Variants in GABRG3 observed in about 807,000 individuals in gnomAD.
GABRG3 encodes gamma-aminobutyric acid type A receptor subunit gamma3.
Under a neutral mutation model 48.8 loss-of-function variants are expected in GABRG3, and 25 were observed. That is an observed-to-expected ratio of 0.51 (90% CI 0.37 to 0.72). The LOEUF is 0.72. GABRG3 is among the 30% of genes least tolerant of loss of function. GABRG3 has a pLI of 0.00. For missense variants in GABRG3, 394 were observed against 577.9 expected, an observed-to-expected ratio of 0.68 and a Z score of 3.26; for synonymous variants, 227 against 217.6, an observed-to-expected ratio of 1.04 and a Z score of -0.38.
At position 27,393,094 on chromosome 15, in the gene GABRG3, C is replaced by A. The variant is rs143998723; in HGVS notation, c.574+64206C>A. Among the ~76,000 whole-genome samples, 183 of 152,168 alleles carry A rather than the reference C, an allele frequency of 1.2e-3. 1 individual carries two copies. The highest frequency in any genetic ancestry group is 4.3e-3 in the African/African-American group (178 of 41,516). ...GGCGCAGTGGCTCATGCCTGTAATC[C>A]GAGCACTTTGGGAGGCCAAGGCGGG... On this transcript the variant is annotated intron_variant, in intron 5 of 9. Coordinates refer to ENST00000615808, the MANE Select transcript of GABRG3 (RefSeq NM_033223.5).
intron 5 of GABRG3, among the ~76,000 whole-genome samples, chr15:27,400,757 A>C (rs561259756): frequency 6.6e-6 from 1 of 152,336 alleles, no homozygotes; most frequent in East Asian, 1.9e-4. Context: ...ACTGGCTCAA[A>C]GAGAACTTCC....
At chr15:27,268,981 G>A (rs1891001793) in intron 3 of GABRG3, among the ~76,000 whole-genome samples, 1 of 152,144 alleles carries the variant, frequency 6.6e-6, no homozygotes, top group African/African-American at 2.4e-5. Context: ...GTTGCCCAGG[G>A]TCTGTCTTGC....
At chr15:27,412,970 C>A (rs562581903) in intron 5 of GABRG3, among the ~76,000 whole-genome samples, 1 of 152,104 alleles carries the variant, frequency 6.6e-6, no homozygotes, top group East Asian at 1.9e-4. Context: ...TCTTTGCTTC[C>A]TGTTTATTGC....
chr15:27,332,412 G>T (rs1566790177), intron 5 of GABRG3, among the ~76,000 whole-genome samples: 1 of 152,028 alleles, frequency 6.6e-6, no homozygotes, highest in Non-Finnish European at 1.5e-5. Context: ...TGAGGCAGAA[G>T]AATCCCAGCT....
intron 2 of GABRG3, among the ~76,000 whole-genome samples, chr15:27,013,923 T>C (rs1182497898): frequency 2.0e-5 from 3 of 152,152 alleles, no homozygotes; most frequent in African/African-American, 7.2e-5. Context: ...ATTGGAATTA[T>C]ATAGAATCTG....
intron 6 of GABRG3, among the ~76,000 whole-genome samples, chr15:27,491,961 A>G (rs4435210): frequency 3.9e-5 from 6 of 152,128 alleles, no homozygotes; most frequent in Admixed American, 3.9e-4. Flanking sequence ...GTCATATCCC[A>G]TATGACTTGT....
At chr15:27,310,038 T>C (rs1892942136) in intron 3 of GABRG3, among the ~76,000 whole-genome samples, 1 of 152,124 alleles carries the variant, frequency 6.6e-6, no homozygotes, top group Non-Finnish European at 1.5e-5. Flanking sequence ...AGAGGCATTA[T>C]GCTAGGGAAT....
chr15:27,478,049 A>AC (rs1889999649), intron 5 of GABRG3, among the ~76,000 whole-genome samples: 1 of 120,438 alleles, frequency 8.3e-6, no homozygotes, highest in Non-Finnish European at 1.7e-5. Context: ...TCCATGTCAC[A>AC]AAAAAAAAAA....
chr15:27,486,354 T>TCGCATGGCTATGGCAAAAGC (rs1890219565), intron 6 of GABRG3, among the ~76,000 whole-genome samples: 1 of 152,202 alleles, frequency 6.6e-6, no homozygotes, highest in Admixed American at 6.5e-5. Context: ...AAGGCTGCTC[T>TCGCATGGCTATGGCAAAAGC]CGCATGGCTA....
Position 27,471,015 on chromosome 15 carries a change from G to A in GABRG3, c.575-9635G>A, listed in dbSNP as rs1334638103. Reference sequence around the variant, plus strand: ...CAGATAGAGGTGATTTATCAAGACAGAGGAACTGCATTAGAGAAAGAGTTT... The same window carrying A: ...CAGATAGAGGTGATTTATCAAGACAAAGGAACTGCATTAGAGAAAGAGTTT... On this transcript the variant is annotated intron_variant, in intron 5 of 9. Transcript: ENST00000615808. 2.6e-5 allele frequency among the ~76,000 whole-genome samples: 4 copies of A among 152,208 alleles called. No homozygotes were observed. In the East Asian group the frequency reaches 7.7e-4, roughly 29 times the overall value.
chr15:27,148,319 C>A (rs939988423), intron 3 of GABRG3, among the ~76,000 whole-genome samples: 2 of 151,756 alleles, frequency 1.3e-5, no homozygotes, highest in Admixed American at 6.6e-5. Flanking sequence ...ATCTAAAAAG[C>A]CTCATAACAT....
chr15:27,111,754 T>C (rs1238590229), intron 3 of GABRG3, among the ~76,000 whole-genome samples: 1 of 152,156 alleles, frequency 6.6e-6, no homozygotes, highest in Non-Finnish European at 1.5e-5. Context: ...TCTGTACTTT[T>C]CTGCTTCAAT....
At chr15:26,982,351 C>A (rs1447389281) in intron 2 of GABRG3, among the ~76,000 whole-genome samples, 3 of 152,164 alleles carry the variant, frequency 2.0e-5, no homozygotes, top group African/African-American at 7.2e-5. Flanking sequence ...CAGTGAAGCA[C>A]CTTCCTCATG....
intron 3 of GABRG3, among the ~76,000 whole-genome samples, chr15:27,102,638 T>A (rs1272815450): frequency 6.6e-6 from 1 of 152,196 alleles, no homozygotes; most frequent in Admixed American, 6.5e-5. Context: ...CACATAACTA[T>A]AAACAAGTTA....
At chr15:27,276,638 T>C (rs1012890530) in intron 3 of GABRG3, among the ~76,000 whole-genome samples, 5 of 152,156 alleles carry the variant, frequency 3.3e-5, no homozygotes, top group Admixed American at 6.5e-5. Context: ...AGCTTTTTTT[T>C]TTAAGGAATT....
intron 3 of GABRG3, among the ~76,000 whole-genome samples, chr15:27,225,059 T>C (rs1889568160): frequency 6.6e-6 from 1 of 152,156 alleles, no homozygotes; most frequent in African/African-American, 2.4e-5. Context: ...AGACTAGAGT[T>C]CCTTCTTCCT....
intron 5 of GABRG3, among the ~76,000 whole-genome samples, chr15:27,396,849 G>A (rs1887314195): frequency 6.6e-6 from 1 of 152,066 alleles, no homozygotes; most frequent in Admixed American, 6.5e-5. Context: ...AATGAAGGAA[G>A]ACCAAAAACT....
chr15:27,425,406 C>T (rs1179891259), intron 5 of GABRG3, among the ~76,000 whole-genome samples: 2 of 147,270 alleles, frequency 1.4e-5, no homozygotes, highest in East Asian at 4.0e-4. Context: ...AGATTGAGAC[C>T]ATCCTGGCTA....
At chr15:27,291,862 T>C (rs1891803532) in intron 3 of GABRG3, among the ~76,000 whole-genome samples, 1 of 152,210 alleles carries the variant, frequency 6.6e-6, no homozygotes, top group Non-Finnish European at 1.5e-5. Context: ...ATTTGGGTAT[T>C]GATCAGATGT....
Sources: allele counts gnomAD v4.1 joint callset (sites outside exome capture counted in the v4.1 genomes callset), GRCh38; gene constraint gnomAD v4.1.1; transcripts MANE v1.5; gene names NCBI Gene and HGNC (gene_info 2026-07-23, HGNC 2026-07-21).